FBN1: variants seen among roughly 807,000 people sequenced by gnomAD.
The protein encoded by FBN1 is fibrillin-1.
A neutral mutation model predicts 365.1 loss-of-function variants in FBN1; 29 were observed. The ratio of observed to expected loss-of-function variants is 0.08; its 90% CI spans 0.06 to 0.11. The LOEUF is 0.11. Ranked by LOEUF, FBN1 falls within the 10% of genes least tolerant of loss-of-function variation. FBN1 has a pLI of 1.00. For synonymous variants in FBN1, 1,210 were observed against 1,270.5 expected, an observed-to-expected ratio of 0.95 and a Z score of 1.01; for missense variants, 2,476 against 3,703.2, an observed-to-expected ratio of 0.67 and a Z score of 8.60.
At chr15:48,536,138 C>T (rs1375420661) in intron 7 of FBN1, among the ~76,000 whole-genome samples, 1 of 152,310 alleles carries the variant, frequency 6.6e-6, no homozygotes, top group East Asian at 1.9e-4. Flanking sequence ...ACAACAACAA[C>T]AACAACCAAA....
At chr15:48,465,036 A>G (rs941177379) in intron 40 of FBN1, among the ~76,000 whole-genome samples, 1 of 152,110 alleles carries the variant, frequency 6.6e-6, no homozygotes, top group African/African-American at 2.4e-5. Flanking sequence ...ACCATGGCTC[A>G]TGGCTGAAGT....
intron 32 of FBN1, among the ~76,000 whole-genome samples, chr15:48,477,256 G>A (rs564222696): frequency 3.3e-5 from 5 of 152,196 alleles, no homozygotes; most frequent in Non-Finnish European, 7.4e-5. Flanking sequence ...TATGCTAATA[G>A]AAATTTACAA....
At chr15:48,564,792 C>A (rs1447282265) in intron 6 of FBN1, among the ~76,000 whole-genome samples, 1 of 152,224 alleles carries the variant, frequency 6.6e-6, no homozygotes, top group South Asian at 2.1e-4. Flanking sequence ...AAGGATGCCA[C>A]GTGGAAGAAT....
Position 48,505,072 on chromosome 15 carries a change from T to G in FBN1, c.1913A>C (p.Glu638Ala). 1 of 1,614,162 alleles carries G rather than the reference T, an allele frequency of 6.2e-7. No individual in the cohort carries two copies. Among genetic ancestry groups the G allele is most frequent in the East Asian group, 2.2e-5 (1 of 44,876 alleles). ...ACCCACAGCCAGTCCAGGGAAGCAT[T>G]CACATCTGTAGGAGCCATCAGTGTT... ...CVNTDGSYRCECFPGLAVGLD... is the reference protein window; with the variant it reads ...CVNTDGSYRCACFPGLAVGLD... Residue 638 changes from glutamate (E) to alanine (A), a missense_variant, in exon 16 of 66, where the codon GAA (glutamate) becomes GCA (alanine). Transcript: ENST00000316623.
At chr15:48,518,468 T>C (rs1239628751) in intron 10 of FBN1, among the ~76,000 whole-genome samples, 1 of 152,258 alleles carries the variant, frequency 6.6e-6, no homozygotes, top group African/African-American at 2.4e-5. Context: ...AATTCGGCCT[T>C]TCTTTTTAAG....
intron 23 of FBN1, among the ~76,000 whole-genome samples, chr15:48,493,328 G>A (rs1197090875): frequency 6.6e-6 from 1 of 152,112 alleles, no homozygotes; most frequent in Non-Finnish European, 1.5e-5. Context: ...AAAAAAAAGA[G>A]GGGGGAACAT....
rs1479274335 is a variant in FBN1 at position 48,445,579 on chromosome 15, A to C, written c.5789-75T>G. On this transcript the variant is annotated intron_variant, in intron 47 of 65. Transcript: ENST00000316623. ...ATCCCAGCAATAATCAAAACTTCTA[A>C]AAGAAAAAATACTTTTTCTGAATTT... 2.6e-6 allele frequency: 4 copies of C among 1,535,406 alleles called. No homozygotes were observed. The East Asian group carries it at 6.8e-5, about 26-fold the overall frequency.
intron 13 of FBN1, 28 bp from the exon 14 acceptor site, chr15:48,510,197 T>C (rs1381390488): frequency 1.2e-6 from 2 of 1,609,206 alleles, no homozygotes; most frequent in Admixed American, 3.3e-5. Flanking sequence ...AAAGAAGAAA[T>C]AGCTTTATTT....
chr15:48,478,418 C>G (rs893376354), intron 32 of FBN1, among the ~76,000 whole-genome samples: 1 of 152,130 alleles, frequency 6.6e-6, no homozygotes, highest in African/African-American at 2.4e-5. Flanking sequence ...TATGGAATTA[C>G]CCAGAAATCC....
rs893584590 is a variant in FBN1, at chr15:48,409,346, T to C, written c.*1644A>G. On this transcript the variant is annotated 3_prime_UTR_variant, in exon 66 of 66. Transcript: ENST00000316623. The stretch of plus-strand genomic sequence containing the variant: ...AATAGTATGAGCCAAATCTACTCCA[T>C]TTTTTTCAGCTGAGCTCTTCAAAGA... 1 of 151,832 alleles carries C rather than the reference T, an allele frequency of 6.6e-6. No individual in the cohort carries two copies. Among genetic ancestry groups the C allele is most frequent in the Non-Finnish European group, 1.5e-5 (1 of 68,018 alleles). 9.4% of individuals were successfully genotyped at this position (151,832 alleles called of 1,614,324 possible). A position where few individuals can be genotyped will look rare whatever the true frequency, so the allele number is the denominator to read the frequency against.
At chr15:48,470,835 T>A in intron 35 of FBN1, 79 bp from the exon 36 acceptor site, 1 of 1,471,702 alleles carries the variant, frequency 6.8e-7, no homozygotes, top group Non-Finnish European at 9.3e-7. Context: ...ATTAGGCAAC[T>A]AATGTAAATA....
chr15:48,536,266 A>AG lies in FBN1; in HGVS notation c.736+1344dup, dbSNP rs2044013202. On this transcript the variant is annotated intron_variant, in intron 7 of 65. Coordinates refer to ENST00000316623, the MANE Select transcript of FBN1 (RefSeq NM_000138.5). ...TGGATGTTGAATAGCAGAGTTAGAA[A>AG]GAAACAGGAAGCAAATGCTGGAAAG... 2.0e-5 allele frequency among the ~76,000 whole-genome samples: 3 copies of AG among 152,360 alleles called. No homozygotes were observed. The East Asian group carries it at 5.8e-4, about 29-fold the overall frequency.
At chr15:48,425,644 C>G in intron 59 of FBN1, 95 bp downstream of exon 59, 1 of 1,545,860 alleles carries the variant, frequency 6.5e-7, no homozygotes, top group Non-Finnish European at 8.9e-7. Flanking sequence ...TCCTATGAAA[C>G]TGCACAGACT....
At chr15:48,521,752 G>C (rs1278884429) in intron 9 of FBN1, among the ~76,000 whole-genome samples, 2 of 152,214 alleles carry the variant, frequency 1.3e-5, no homozygotes, top group African/African-American at 2.4e-5. Context: ...CCTGACATGT[G>C]CTGAGGGTGT....
At chr15:48,613,498 A>G (rs2044672809) in intron 2 of FBN1, among the ~76,000 whole-genome samples, 1 of 152,140 alleles carries the variant, frequency 6.6e-6, no homozygotes, top group Admixed American at 6.5e-5. Context: ...CCATATATAT[A>G]TATATATTTT....
At chr15:48,625,993 G>T (rs140062041) in intron 2 of FBN1, among the ~76,000 whole-genome samples, 29 of 152,272 alleles carry the variant, frequency 1.9e-4, no homozygotes, top group African/African-American at 6.7e-4. Flanking sequence ...AAGTCTATCA[G>T]AGTAGTGAGT....
intron 51 of FBN1, 33 bp downstream of exon 51, chr15:48,437,735 T>G (rs755308198): frequency 3.8e-5 from 61 of 1,612,608 alleles, no homozygotes; most frequent in Non-Finnish European, 6.8e-6. Context: ...GCACCCTGCA[T>G]GGCCCAGAGA....
chr15:48,426,226 T>C (rs1220945079), intron 58 of FBN1, among the ~76,000 whole-genome samples: 1 of 152,262 alleles, frequency 6.6e-6, no homozygotes, highest in Non-Finnish European at 1.5e-5. Context: ...TGACATCTAA[T>C]AAATGAATCA....
rs1270326945 is a variant in FBN1 at position 48,427,731 on chromosome 15, A to G, written c.7040T>C (p.Met2347Thr). Residue 2347 changes from methionine to threonine, a missense_variant, in exon 58 of 66, where the codon ATG becomes ACG. Physicochemically the swap from Met to Thr is moderately conservative, Grantham distance 81 (BLOSUM62 -1). This residue lies in a region of FBN1 where 1,780 missense variants were observed against 2,840.8 expected (regional missense o/e 0.63). Transcript: ENST00000316623. Reference protein sequence around the residue: ...GYCFTEVLQNMCQIGSSNRNP... With the variant: ...GYCFTEVLQNTCQIGSSNRNP... The stretch of plus-strand genomic sequence containing the variant: ...CCTGTTGCTGGAGCCGATCTGACAC[A>G]TGTTTTGTAGCACCTCTGTGAAGCA... 1 of 1,613,934 alleles carries G rather than the reference A, an allele frequency of 6.2e-7. No individual in the cohort carries two copies. Among genetic ancestry groups the G allele is most frequent in the African/African-American group, 1.3e-5 (1 of 74,886 alleles).
Sources: allele counts gnomAD v4.1 joint callset (sites outside exome capture counted in the v4.1 genomes callset), GRCh38; gene constraint gnomAD v4.1.1; regional missense constraint gnomAD v4.1.1; transcripts MANE v1.5; gene names NCBI Gene and HGNC (gene_info 2026-07-23, HGNC 2026-07-21).